Variants in CSTPP1 observed in about 807,000 individuals in gnomAD.
CSTPP1 encodes the protein centriolar satellite-associated tubulin polyglutamylase complex regulator 1, also known as UPF0705 protein C11orf49.
the CSTPP1 span, chr11:47,161,256 C>A: frequency 6.2e-7 from 1 of 1,612,404 alleles, no homozygotes. Flanking sequence ...CGGCTGTGCC[C>A]CATCTGGGGC....
chr11:47,117,688 T>C, the CSTPP1 span, among the ~76,000 whole-genome samples: 1 of 152,148 alleles, frequency 6.6e-6, no homozygotes, highest in Admixed American at 6.5e-5. Flanking sequence ...CCTTGCTAGG[T>C]TGGGGAAGTT....
chr11:47,105,447 GCCATGATCA>G, the CSTPP1 span, among the ~76,000 whole-genome samples: 1 of 152,112 alleles, frequency 6.6e-6, no homozygotes, highest in Non-Finnish European at 1.5e-5. Context: ...GCCACGGTGA[GCCATGATCA>G]TACAACTGTA....
the CSTPP1 span, among the ~76,000 whole-genome samples, chr11:47,046,296 A>C: frequency 2.6e-5 from 4 of 151,846 alleles, no homozygotes; most frequent in African/African-American, 7.2e-5. Context: ...AAAAAAAAAA[A>C]AAAACTTCTA....
At chr11:47,055,012 C>G in the CSTPP1 span, among the ~76,000 whole-genome samples, 4 of 141,350 alleles carry the variant, frequency 2.8e-5, no homozygotes, top group Non-Finnish European at 6.0e-5. Context: ...ACAATCTCAG[C>G]TCACTGCAGC....
At chr11:47,075,322 G>T in the CSTPP1 span, among the ~76,000 whole-genome samples, 2 of 152,132 alleles carry the variant, frequency 1.3e-5, no homozygotes, top group African/African-American at 4.8e-5. Context: ...AGTGAGCCGA[G>T]ATCGCAGCAC....
chr11:47,020,893 A>G, the CSTPP1 span, among the ~76,000 whole-genome samples: 1 of 152,226 alleles, frequency 6.6e-6, no homozygotes, highest in African/African-American at 2.4e-5. Context: ...TTTTCAGGCA[A>G]GAGATTTCTT....
At chr11:47,163,946 T>G in the CSTPP1 span, 2 of 928,618 alleles carry the variant, frequency 2.2e-6, no homozygotes, top group Non-Finnish European at 3.2e-6. Context: ...GTACCCGGCG[T>G]TAAATATTTC....
At chr11:46,962,255 G>C in the CSTPP1 span, among the ~76,000 whole-genome samples, 1 of 152,026 alleles carries the variant, frequency 6.6e-6, no homozygotes, top group Non-Finnish European at 1.5e-5. Context: ...AAAATATAAG[G>C]GTTTATTTAT....
At chr11:47,105,766 C>T in the CSTPP1 span, among the ~76,000 whole-genome samples, 15 of 152,204 alleles carry the variant, frequency 9.9e-5, no homozygotes, top group African/African-American at 3.4e-4. Context: ...TTACTTCCTA[C>T]CCTCTGTGGT....
chr11:47,012,476 A>T, the CSTPP1 span, among the ~76,000 whole-genome samples: 1 of 152,178 alleles, frequency 6.6e-6, no homozygotes, highest in Non-Finnish European at 1.5e-5. Context: ...TACAACCTGT[A>T]GCTGTATAGG....
the CSTPP1 span, among the ~76,000 whole-genome samples, chr11:47,153,889 G>A: frequency 6.6e-6 from 1 of 152,138 alleles, no homozygotes; most frequent in African/African-American, 2.4e-5. Flanking sequence ...GGAAACCTCT[G>A]ACTCAGGGAA....
At chr11:47,074,042 T>TA in the CSTPP1 span, among the ~76,000 whole-genome samples, 1 of 152,056 alleles carries the variant, frequency 6.6e-6, no homozygotes, top group South Asian at 2.1e-4. Flanking sequence ...CTTCTTCTAT[T>TA]AAAAAAATCA....
chr11:46,963,721 G>T, the CSTPP1 span, among the ~76,000 whole-genome samples: 1 of 151,152 alleles, frequency 6.6e-6, no homozygotes. Context: ...GGAGATAAAG[G>T]TTGCAGTGAG....
the CSTPP1 span, among the ~76,000 whole-genome samples, chr11:47,101,708 T>TATCA: frequency 1.3e-5 from 2 of 152,218 alleles, no homozygotes; most frequent in African/African-American, 4.8e-5. Context: ...GTTCTCTTCC[T>TATCA]ATCAGTCAAT....
chr11:47,047,409 T>A, the CSTPP1 span, among the ~76,000 whole-genome samples: 1 of 91,136 alleles, frequency 1.1e-5, no homozygotes, highest in East Asian at 2.1e-4. Flanking sequence ...ACCACTGGAA[T>A]AGATTAGGAA....
the CSTPP1 span, among the ~76,000 whole-genome samples, chr11:47,065,012 G>A: frequency 6.6e-6 from 1 of 152,178 alleles, no homozygotes; most frequent in Admixed American, 6.5e-5. Flanking sequence ...AAAGTGCTGG[G>A]ATGATAGGCT....
the CSTPP1 span, among the ~76,000 whole-genome samples, chr11:46,991,846 T>G: frequency 6.6e-6 from 1 of 152,130 alleles, no homozygotes; most frequent in African/African-American, 2.4e-5. Context: ...GTTCAAGAGA[T>G]TCTCCCGCCT....
chr11:46,995,270 A>G, the CSTPP1 span, among the ~76,000 whole-genome samples: 8 of 151,202 alleles, frequency 5.3e-5, no homozygotes, highest in African/African-American at 1.5e-4. Flanking sequence ...TTGTGTCTCT[A>G]TCTCCTTCAG....
the CSTPP1 span, among the ~76,000 whole-genome samples, chr11:47,091,680 C>T: frequency 6.6e-6 from 1 of 152,102 alleles, no homozygotes; most frequent in Admixed American, 6.5e-5. Flanking sequence ...TCCAGGTGAA[C>T]CCTAAATGTA....
Sources: allele counts gnomAD v4.1 joint callset (sites outside exome capture counted in the v4.1 genomes callset), GRCh38; gene constraint gnomAD v4.1.1; transcripts MANE v1.5; gene names NCBI Gene and HGNC (gene_info 2026-07-23, HGNC 2026-07-21).